Variants in PSD3 observed in about 807,000 individuals in gnomAD.
PSD3 encodes the protein PH and SEC7 domain-containing protein 3.
In PSD3, 49 loss-of-function variants were observed where a neutral mutation model predicts 105.5. The observed-to-expected ratio is 0.46, with a 90% confidence interval of 0.37 to 0.59. The LOEUF is 0.59. Ranked by LOEUF, PSD3 falls within the 20% of genes least tolerant of loss-of-function variation. The probability of loss-of-function intolerance (pLI) is 0.00; values close to 1 mark genes in which losing one functional copy is unlikely to be tolerated. For synonymous variants in PSD3, 557 were observed against 457.8 expected, an observed-to-expected ratio of 1.22 and a Z score of -2.77; for missense variants, 1,561 against 1,263.8, an observed-to-expected ratio of 1.24 and a Z score of -3.57.
At chr8:18,564,173 T>C (rs1409259084) in intron 14 of PSD3, among the ~76,000 whole-genome samples, 1 of 152,056 alleles carries the variant, frequency 6.6e-6, no homozygotes, top group Non-Finnish European at 1.5e-5. Context: ...ATTACTGGGA[T>C]TGACAGTGGA....
At chr8:18,550,925 C>A (rs980816798) in intron 15 of PSD3, among the ~76,000 whole-genome samples, 3 of 152,202 alleles carry the variant, frequency 2.0e-5, no homozygotes, top group Admixed American at 2.0e-4. Flanking sequence ...GCTAGACTGA[C>A]TTACTAAGAT....
intron 10 of PSD3, among the ~76,000 whole-genome samples, chr8:18,648,768 C>T (rs1008296539): frequency 6.6e-6 from 1 of 152,222 alleles, no homozygotes; most frequent in East Asian, 1.9e-4. Context: ...ATAGGCCAGT[C>T]CCCGGGAAGT....
intron 15 of PSD3, among the ~76,000 whole-genome samples, chr8:18,553,410 G>A (rs759015965): frequency 4.6e-5 from 7 of 152,158 alleles, no homozygotes; most frequent in Non-Finnish European, 5.9e-5. Context: ...GGGAGCTTCT[G>A]GTCCTGTTAA....
chr8:18,547,153 C>A (rs1002285779), intron 15 of PSD3, among the ~76,000 whole-genome samples: 1 of 152,092 alleles, frequency 6.6e-6, no homozygotes, highest in East Asian at 1.9e-4. Context: ...GGTGGAATGA[C>A]GGTGGAGACC....
chr8:18,786,800 T>C (rs561529624), intron 8 of PSD3: 1 of 152,226 alleles, frequency 6.6e-6, no homozygotes, highest in Non-Finnish European at 1.5e-5. Context: ...GTTGCTTTTA[T>C]CTGTTGATTG....
At chr8:18,853,532 G>A (rs1225736154) in intron 4 of PSD3, among the ~76,000 whole-genome samples, 1 of 151,802 alleles carries the variant, frequency 6.6e-6, no homozygotes, top group East Asian at 1.9e-4. Context: ...AATTCCCTCA[G>A]CTCCAGGGGG....
intron 9 of PSD3, among the ~76,000 whole-genome samples, chr8:18,692,788 G>A (rs1483811799): frequency 6.6e-6 from 1 of 152,114 alleles, no homozygotes; most frequent in African/African-American, 2.4e-5. Flanking sequence ...ATTCAAAAGG[G>A]CAGTAAACCA....
chr8:18,660,234 T>A (rs1809247104), intron 9 of PSD3, among the ~76,000 whole-genome samples: 1 of 151,526 alleles, frequency 6.6e-6, no homozygotes, highest in Non-Finnish European at 1.5e-5. Flanking sequence ...TGAAGAGGAA[T>A]ATGGAAATTA....
chr8:18,669,952 G>A (rs919497120), intron 9 of PSD3, among the ~76,000 whole-genome samples: 15 of 152,060 alleles, frequency 9.9e-5, no homozygotes, highest in African/African-American at 3.4e-4. Flanking sequence ...TTTAGGCATC[G>A]TGAATCCAGT....
chr8:18,978,177 T>C (rs1052574367), intron 1 of PSD3, among the ~76,000 whole-genome samples: 4 of 152,220 alleles, frequency 2.6e-5, no homozygotes, highest in Non-Finnish European at 5.9e-5. Context: ...GAGCTGAAGT[T>C]TGCTGAAAAG....
At chr8:18,575,480 G>A (rs1802411890) in intron 12 of PSD3, among the ~76,000 whole-genome samples, 195 bp from the exon 13 acceptor site, 1 of 152,150 alleles carries the variant, frequency 6.6e-6, no homozygotes, top group South Asian at 2.1e-4. Context: ...TGCTGAGAAT[G>A]AGAAAATACA....
chr8:18,804,532 G>C lies in PSD3; in HGVS notation c.1900C>G (p.Gln634Glu). Reference protein sequence around the residue: ...FFDFTGMTLDQSLRYFFKAFS... With the variant: ...FFDFTGMTLDESLRYFFKAFS... ...GAGGCTTAGTCATACCTGAGTGACTGATCCAGCGTCATTCCTGTAAAATCA... is the reference window on the plus strand; with the variant it reads ...GAGGCTTAGTCATACCTGAGTGACTCATCCAGCGTCATTCCTGTAAAATCA... The change falls in exon 6 of 16, where the codon CAG becomes GAG. Residue 634 changes from glutamine to glutamate, a missense_variant. Coordinates refer to ENST00000327040, the MANE Select transcript of PSD3 (RefSeq NM_015310.4). 2 of 1,610,086 alleles carry C rather than the reference G, an allele frequency of 1.2e-6. No individual in the cohort carries two copies. Among genetic ancestry groups the C allele is most frequent in the South Asian group, 2.2e-5 (2 of 90,918 alleles).
intron 14 of PSD3, among the ~76,000 whole-genome samples, chr8:18,565,062 A>G (rs916168680): frequency 6.6e-6 from 1 of 152,166 alleles, no homozygotes; most frequent in African/African-American, 2.4e-5. Context: ...AGGTTCCTAC[A>G]GTGTAGGGTT....
intron 10 of PSD3, among the ~76,000 whole-genome samples, chr8:18,642,279 T>G (rs1332625062): frequency 2.0e-5 from 3 of 152,150 alleles, no homozygotes; most frequent in Non-Finnish European, 4.4e-5. Context: ...AAGGGGCAAC[T>G]AAAAATAACT....
intron 9 of PSD3, among the ~76,000 whole-genome samples, chr8:18,700,374 G>A (rs1168579465): frequency 1.3e-5 from 2 of 152,216 alleles, no homozygotes; most frequent in Admixed American, 1.3e-4. Flanking sequence ...ATTAGTAATA[G>A]GAAAAATGAT....
At chr8:18,972,544 GT>G (rs1824715232) in intron 1 of PSD3, among the ~76,000 whole-genome samples, 1 of 152,238 alleles carries the variant, frequency 6.6e-6, no homozygotes, top group Non-Finnish European at 1.5e-5. Context: ...AGAGAGCAAT[GT>G]GCTGAATGTG....
intron 1 of PSD3, among the ~76,000 whole-genome samples, chr8:19,054,273 G>A (rs1828634773): frequency 6.6e-6 from 1 of 152,150 alleles, no homozygotes; most frequent in African/African-American, 2.4e-5. Context: ...GACTGTACAG[G>A]AATTTAAAGG....
chr8:18,682,199 G>A (rs1800427900), intron 9 of PSD3, among the ~76,000 whole-genome samples: 1 of 152,102 alleles, frequency 6.6e-6, no homozygotes, highest in African/African-American at 2.4e-5. Flanking sequence ...TTATCATGAG[G>A]ATAGGTAGTA....
chr8:18,889,137 C>T lies in PSD3; in HGVS notation c.131-16404G>A, dbSNP rs74460211. 1.9e-3 allele frequency among the ~76,000 whole-genome samples: 282 copies of T among 152,296 alleles called. 2 individuals are homozygous for T. Among genetic ancestry groups the T allele is most frequent in the African/African-American group, 6.6e-3 (274 of 41,568 alleles). ...AACCCCCTAAAACACCATTTCAAAA[C>T]GTAAAGCTCAGAAATAAATTACTTA... is the stretch of plus-strand genomic sequence containing the variant. On this transcript the variant is annotated intron_variant, in intron 2 of 15. Coordinates refer to ENST00000327040, the MANE Select transcript of PSD3 (RefSeq NM_015310.4).
Sources: allele counts gnomAD v4.1 joint callset (sites outside exome capture counted in the v4.1 genomes callset), GRCh38; gene constraint gnomAD v4.1.1; transcripts MANE v1.5; gene names NCBI Gene and HGNC (gene_info 2026-07-23, HGNC 2026-07-21).